SSBP2: variants seen among roughly 807,000 people sequenced by gnomAD.
SSBP2 encodes single stranded DNA binding protein 2, also known as single-stranded DNA-binding protein 2.
SSBP2 carries 17 observed loss-of-function variants against 61.8 expected under a neutral mutation model. The observed-to-expected ratio is 0.28, with a 90% CI of 0.19 to 0.41. The LOEUF (loss-of-function observed/expected upper bound fraction) is 0.41, where lower values mean the gene tolerates loss of function less well. Among genes scored for constraint, SSBP2 ranks in the 10% least tolerant of loss-of-function variants. The probability of loss-of-function intolerance (pLI) is 1.00; values close to 1 mark genes in which losing one functional copy is unlikely to be tolerated. For synonymous variants in SSBP2, 139 were observed against 141.3 expected (o/e 0.98, Z 0.12); for missense variants, 310 against 458.7 (o/e 0.68, Z 2.96).
chr5:81,679,488 C>T (rs1752229503), intron 1 of SSBP2, among the ~76,000 whole-genome samples: 1 of 152,162 alleles, frequency 6.6e-6, no homozygotes, highest in Non-Finnish European at 1.5e-5. Flanking sequence ...GGTACTTACA[C>T]TAACCATATA....
chr5:81,720,722 A>G (rs1233506016), intron 1 of SSBP2, among the ~76,000 whole-genome samples: 1 of 152,186 alleles, frequency 6.6e-6, no homozygotes, highest in Non-Finnish European at 1.5e-5. Flanking sequence ...AAATGTCATC[A>G]GTTATGCATT....
At chr5:81,743,380 G>T (rs771630625) in intron 1 of SSBP2, among the ~76,000 whole-genome samples, 2 of 151,942 alleles carry the variant, frequency 1.3e-5, no homozygotes, top group Non-Finnish European at 2.9e-5. Flanking sequence ...GAACCTTCCC[G>T]ACTACCCAAT....
At chr5:81,666,120 T>TTAAA (rs1751114398) in intron 1 of SSBP2, among the ~76,000 whole-genome samples, 1 of 152,202 alleles carries the variant, frequency 6.6e-6, no homozygotes, top group Non-Finnish European at 1.5e-5. Context: ...TTCCTCATTA[T>TTAAA]TAACACTTAA....
intron 4 of SSBP2, among the ~76,000 whole-genome samples, chr5:81,551,439 T>A (rs1772182792): frequency 6.6e-6 from 1 of 152,166 alleles, no homozygotes; most frequent in Non-Finnish European, 1.5e-5. Flanking sequence ...TACTCATGAT[T>A]TAAAAAGTTT....
At chr5:81,738,575 T>G (rs901494796) in intron 1 of SSBP2, among the ~76,000 whole-genome samples, 3 of 152,170 alleles carry the variant, frequency 2.0e-5, no homozygotes, top group African/African-American at 7.2e-5. Context: ...CTTACACCTT[T>G]AAAATTACCT....
At chr5:81,465,560 A>G (rs1448227948) in intron 9 of SSBP2, among the ~76,000 whole-genome samples, 1 of 152,084 alleles carries the variant, frequency 6.6e-6, no homozygotes, top group African/African-American at 2.4e-5. Context: ...AAATGATATT[A>G]GATACATTCT....
At chr5:81,434,598 C>G (rs1268256227) in intron 15 of SSBP2, among the ~76,000 whole-genome samples, 1 of 129,624 alleles carries the variant, frequency 7.7e-6, no homozygotes, top group Non-Finnish European at 1.6e-5. Context: ...CACCATTGCA[C>G]TCCAGCCTGG....
intron 4 of SSBP2, among the ~76,000 whole-genome samples, chr5:81,605,051 TA>T (rs1744743667): frequency 6.6e-6 from 1 of 152,088 alleles, no homozygotes; most frequent in South Asian, 2.1e-4. Context: ...CCAGTTTAAT[TA>T]AAAAATATTT....
rs140346535 is a variant in SSBP2 at position 81,578,667 on chromosome 5, A to C, written c.282+36806T>G. Among the ~76,000 whole-genome samples the C allele has an allele frequency of 4.1e-4, 63 of 152,112 alleles. 1 individual carries two copies. In the East Asian group the frequency reaches 0.011, roughly 26 times the overall value. On this transcript the variant is annotated intron_variant, in intron 4 of 16. Coordinates refer to ENST00000320672, the MANE Select transcript of SSBP2 (RefSeq NM_012446.5). ...GAAAGATTAACAGAAGTAAATTATAAAAGTAAGTTATAAATTTATAAAAGT... is the reference window on the plus strand; with the variant it reads ...GAAAGATTAACAGAAGTAAATTATACAAGTAAGTTATAAATTTATAAAAGT...
chr5:81,432,882 G>A (rs866304518), intron 15 of SSBP2, among the ~76,000 whole-genome samples: 1,954 of 149,492 alleles, frequency 0.013, 57 homozygotes, highest in African/African-American at 0.046. Context: ...ACCCCTACTG[G>A]GAAGTGAGGA....
chr5:81,460,045 T>C (rs557128681), intron 10 of SSBP2, among the ~76,000 whole-genome samples: 3 of 152,338 alleles, frequency 2.0e-5, no homozygotes, highest in African/African-American at 7.2e-5. Context: ...TTAAAAAATA[T>C]ATGACAGTTA....
At chr5:81,455,118 G>A (rs1764042894) in intron 10 of SSBP2, among the ~76,000 whole-genome samples, 1 of 152,044 alleles carries the variant, frequency 6.6e-6, no homozygotes, top group East Asian at 1.9e-4. Context: ...ATTAGGCATT[G>A]TGGAAGAATC....
intron 4 of SSBP2, among the ~76,000 whole-genome samples, chr5:81,574,565 G>T (rs755213281): frequency 6.6e-6 from 1 of 151,736 alleles, no homozygotes. Flanking sequence ...TTCCAAAACT[G>T]ATTAAAAACC....
At chr5:81,624,781 T>G (rs1746968510) in intron 3 of SSBP2, among the ~76,000 whole-genome samples, 1 of 152,196 alleles carries the variant, frequency 6.6e-6, no homozygotes, top group Non-Finnish European at 1.5e-5. Context: ...TATAGCCTTA[T>G]TTAGAAAATA....
chr5:81,495,539 C>A lies in SSBP2; in HGVS notation c.373-6230G>T, dbSNP rs1767211596. 3.3e-5 allele frequency among the ~76,000 whole-genome samples: 5 copies of A among 152,194 alleles called. No homozygotes were observed. The South Asian group carries it at 1.0e-3, about 32-fold the overall frequency. On this transcript the variant is annotated intron_variant, in intron 5 of 16. Coordinates refer to ENST00000320672, the MANE Select transcript of SSBP2 (RefSeq NM_012446.5). ...TCTATAGGCTCCATTTCCCCTACTT[C>A]ATCAGCACTTTATTTATACCACTTA...
chr5:81,721,983 T>TA (rs1215826530), intron 1 of SSBP2, among the ~76,000 whole-genome samples: 1 of 151,794 alleles, frequency 6.6e-6, no homozygotes, highest in Non-Finnish European at 1.5e-5. Flanking sequence ...AGTTATGGTC[T>TA]AAACACAGAA....
chr5:81,726,539 T>C (rs1457094249), intron 1 of SSBP2, among the ~76,000 whole-genome samples: 6 of 152,234 alleles, frequency 3.9e-5, no homozygotes, highest in Non-Finnish European at 5.9e-5. Context: ...AAAACCTGCA[T>C]ACTATTACCA....
At chr5:81,566,475 T>A (rs971105960) in intron 4 of SSBP2, among the ~76,000 whole-genome samples, 1 of 152,210 alleles carries the variant, frequency 6.6e-6, no homozygotes, top group African/African-American at 2.4e-5. Flanking sequence ...AGATGGGACT[T>A]GCTCCTCCTT....
intron 10 of SSBP2, among the ~76,000 whole-genome samples, chr5:81,458,003 A>G (rs890111889): frequency 6.6e-6 from 1 of 152,166 alleles, no homozygotes; most frequent in Non-Finnish European, 1.5e-5. Context: ...TGACAAATAT[A>G]TATAACCTAA....
Sources: allele counts gnomAD v4.1 joint callset (sites outside exome capture counted in the v4.1 genomes callset), GRCh38; gene constraint gnomAD v4.1.1; transcripts MANE v1.5; gene names NCBI Gene and HGNC (gene_info 2026-07-23, HGNC 2026-07-21).